The following TECRL variants were observed in gnomAD, a reference collection of about 807,000 sequenced individuals.
TECRL encodes trans-2,3-enoyl-CoA reductase like, also known as trans-2,3-enoyl-CoA reductase-like.
Under a neutral mutation model 52.8 loss-of-function variants are expected in TECRL, and 63 were observed. That is an observed-to-expected ratio of 1.19 (90% CI 0.97 to 1.47). TECRL has a LOEUF of 1.47. Among genes scored for constraint, TECRL ranks in the 40% most tolerant of loss-of-function variants. The pLI, the probability that TECRL is intolerant of heterozygous loss-of-function variation, is 0.00. For missense variants in TECRL, 482 were observed against 429.6 expected (o/e 1.12, Z -1.08); for synonymous variants, 164 against 141.9 (o/e 1.16, Z -1.10).
At chr4:64,337,282 T>C (rs1044458381) in intron 2 of TECRL, among the ~76,000 whole-genome samples, 3 of 152,102 alleles carry the variant, frequency 2.0e-5, no homozygotes, top group African/African-American at 7.2e-5. Context: ...TATCTCAAAA[T>C]AATAAGAGCT....
At chr4:64,317,079 C>T (rs990652913) in intron 4 of TECRL, among the ~76,000 whole-genome samples, 13 of 152,048 alleles carry the variant, frequency 8.5e-5, no homozygotes, top group Non-Finnish European at 1.2e-4. Flanking sequence ...GAGATCGAGA[C>T]CATCCTGGCT....
intron 2 of TECRL, among the ~76,000 whole-genome samples, chr4:64,349,867 T>C (rs901835386): frequency 6.6e-6 from 1 of 152,120 alleles, no homozygotes; most frequent in Admixed American, 6.6e-5. Flanking sequence ...TGAAGAGTAA[T>C]AGTGTGGTTG....
At chr4:64,306,495 G>A (rs1478411474) in intron 6 of TECRL, among the ~76,000 whole-genome samples, 4 of 152,000 alleles carry the variant, frequency 2.6e-5, no homozygotes, top group East Asian at 1.9e-4. Context: ...GACTATCATC[G>A]TTGCTCTCCC....
At chr4:64,354,621 G>A (rs991578969) in intron 2 of TECRL, among the ~76,000 whole-genome samples, 1 of 152,180 alleles carries the variant, frequency 6.6e-6, no homozygotes, top group Non-Finnish European at 1.5e-5. Flanking sequence ...CTCTAGTGAA[G>A]GAGTTTTTAT....
intron 8 of TECRL, among the ~76,000 whole-genome samples, chr4:64,295,791 A>C (rs1042453804): frequency 7.9e-5 from 12 of 151,948 alleles, no homozygotes; most frequent in Non-Finnish European, 1.8e-4. Flanking sequence ...AGTTAGTCGT[A>C]GCTCAAAATA....
chr4:64,328,353 A>G (rs2110044432), intron 3 of TECRL, among the ~76,000 whole-genome samples, 159 bp downstream of exon 3: 1 of 152,120 alleles, frequency 6.6e-6, no homozygotes, highest in East Asian at 1.9e-4. Flanking sequence ...TTTGAGACTA[A>G]ATTATTCATT....
At chr4:64,369,397 C>G (rs983762415) in intron 2 of TECRL, among the ~76,000 whole-genome samples, 8 of 152,006 alleles carry the variant, frequency 5.3e-5, no homozygotes, top group Admixed American at 2.0e-4. Flanking sequence ...GTTATTGTAA[C>G]CAATTGTGAA....
In TECRL at chr4:64,322,791, G is replaced by T; in HGVS notation, c.333C>A (p.Gly111=). 2 of 1,585,720 alleles carry T rather than the reference G, an allele frequency of 1.3e-6. No individual in the cohort carries two copies. Among genetic ancestry groups the T allele is most frequent in the Non-Finnish European group, 1.7e-6 (2 of 1,169,040 alleles). Residue 111 remains glycine (G), a splice_region_variant and synonymous_variant, in exon 4 of 12, where the codon GGC becomes GGA. Transcript: ENST00000381210. ...TAATGTAGTCCTTCAAAAAAGGCCC[G>T]CCTAAAATAAAAATAACAAGAAAAT... ...PSRVGLQLEC[G]GPFLKDYITI...
chr4:64,379,140 C>A (rs1304253738), intron 1 of TECRL, among the ~76,000 whole-genome samples: 2 of 151,570 alleles, frequency 1.3e-5, no homozygotes, highest in East Asian at 3.9e-4. Context: ...GAATAATGCT[C>A]TTTTATATGA....
chr4:64,298,099 T>C (rs1723787065), intron 8 of TECRL, among the ~76,000 whole-genome samples: 1 of 151,222 alleles, frequency 6.6e-6, no homozygotes, highest in Non-Finnish European at 1.5e-5. Flanking sequence ...GCACAGGTTT[T>C]AATTATATTA....
intron 2 of TECRL, among the ~76,000 whole-genome samples, chr4:64,374,076 TATA>T (rs1722195068): frequency 3.8e-5 from 4 of 104,232 alleles, no homozygotes; most frequent in Non-Finnish European, 8.0e-5. Context: ...TATATATATA[TATA>T]TATTTATCTT....
chr4:64,306,232 A>G (rs1235631979), intron 6 of TECRL, among the ~76,000 whole-genome samples: 1 of 152,166 alleles, frequency 6.6e-6, no homozygotes, highest in Admixed American at 6.5e-5. Flanking sequence ...AAGCTTACCA[A>G]TGAGGACTTT....
chr4:64,300,067 G>C, intron 7 of TECRL, 50 bp from the exon 8 acceptor site: 1 of 1,394,624 alleles, frequency 7.2e-7, no homozygotes, highest in Non-Finnish European at 9.9e-7. Flanking sequence ...AGTTTGGATT[G>C]TCAAATATAT....
intron 9 of TECRL, among the ~76,000 whole-genome samples, chr4:64,282,474 A>G (rs1460926366): frequency 1.3e-5 from 2 of 152,060 alleles, no homozygotes; most frequent in Non-Finnish European, 2.9e-5. Context: ...CAGATTTTAC[A>G]ACTGTTCATA....
chr4:64,351,147 A>G, intron 2 of TECRL, among the ~76,000 whole-genome samples: 1 of 150,114 alleles, frequency 6.7e-6, no homozygotes, highest in Non-Finnish European at 1.5e-5. Context: ...GGGTGATTGG[A>G]TGGGAAAGGG....
intron 9 of TECRL, among the ~76,000 whole-genome samples, chr4:64,287,763 T>G (rs1382195944): frequency 6.6e-6 from 1 of 152,186 alleles, no homozygotes; most frequent in Non-Finnish European, 1.5e-5. Flanking sequence ...GCTAATGACT[T>G]ATTACTTGCT....
chr4:64,409,079 C>G, intron 1 of TECRL, 39 bp downstream of exon 1: 2 of 1,438,876 alleles, frequency 1.4e-6, no homozygotes, highest in Non-Finnish European at 1.9e-6. Context: ...AGAAGAAACA[C>G]TTAAACAAAC....
chr4:64,315,277 T>G (rs543059535), intron 4 of TECRL, among the ~76,000 whole-genome samples: 3 of 152,184 alleles, frequency 2.0e-5, no homozygotes, highest in Non-Finnish European at 4.4e-5. Flanking sequence ...TATATTTTAA[T>G]TCTAATGAGT....
At chr4:64,343,781 G>A (rs1719749233) in intron 2 of TECRL, among the ~76,000 whole-genome samples, 1 of 151,962 alleles carries the variant, frequency 6.6e-6, no homozygotes. Flanking sequence ...AAATCTTGCT[G>A]GTTGATTGCT....
Sources: allele counts gnomAD v4.1 joint callset (sites outside exome capture counted in the v4.1 genomes callset), GRCh38; gene constraint gnomAD v4.1.1; transcripts MANE v1.5; gene names NCBI Gene and HGNC (gene_info 2026-07-23, HGNC 2026-07-21).